The following BMPR1B variants were observed in gnomAD, a reference collection of about 807,000 sequenced individuals.
BMPR1B encodes bone morphogenetic protein receptor type 1B.
In BMPR1B, 12 loss-of-function variants were observed where a neutral mutation model predicts 59.1. The observed-to-expected ratio is 0.20, with a 90% CI of 0.13 to 0.33. BMPR1B has a LOEUF of 0.33. Ranked by LOEUF, BMPR1B falls within the 10% of genes least tolerant of loss-of-function variation. The pLI is 1.00. For missense variants in BMPR1B, 550 were observed against 610.9 expected (o/e 0.90, Z 1.05); for synonymous variants, 237 against 207.3 (o/e 1.14, Z -1.23).
intron 1 of BMPR1B, among the ~76,000 whole-genome samples, chr4:94,799,653 G>A (rs1451051490): frequency 1.3e-5 from 2 of 151,156 alleles, no homozygotes; most frequent in Non-Finnish European, 3.0e-5. Flanking sequence ...TTGAGTGCAT[G>A]TGATTCAATG....
chr4:95,101,674 A>G (rs192351459), intron 3 of BMPR1B, among the ~76,000 whole-genome samples: 2 of 152,106 alleles, frequency 1.3e-5, no homozygotes, highest in Non-Finnish European at 2.9e-5. Flanking sequence ...ATTAACTCTA[A>G]TATTTCATTA....
chr4:95,061,437 G>A (rs1022162003), intron 3 of BMPR1B, among the ~76,000 whole-genome samples: 3 of 152,042 alleles, frequency 2.0e-5, no homozygotes, highest in South Asian at 2.1e-4. Flanking sequence ...AAGTAAGAAC[G>A]GAAGTAGTTT....
intron 2 of BMPR1B, among the ~76,000 whole-genome samples, chr4:94,883,067 T>G (rs1200219967): frequency 2.0e-5 from 3 of 151,996 alleles, no homozygotes. Flanking sequence ...GCAGGGTTCT[T>G]TCTACTCATC....
At chr4:94,995,240 A>G (rs1441317146) in intron 2 of BMPR1B, among the ~76,000 whole-genome samples, 1 of 152,198 alleles carries the variant, frequency 6.6e-6, no homozygotes, top group Non-Finnish European at 1.5e-5. Context: ...TTATAAATAT[A>G]GAAGTTTATA....
intron 3 of BMPR1B, among the ~76,000 whole-genome samples, chr4:95,029,847 G>A (rs1213760889): frequency 6.6e-6 from 1 of 152,160 alleles, no homozygotes; most frequent in Non-Finnish European, 1.5e-5. Context: ...GTTTTGATTT[G>A]CATTTCTCTT....
At chr4:94,914,175 G>A (rs1226874621) in intron 2 of BMPR1B, among the ~76,000 whole-genome samples, 2 of 152,096 alleles carry the variant, frequency 1.3e-5, no homozygotes, top group African/African-American at 2.4e-5. Flanking sequence ...AAAATGGACA[G>A]GATCTGGCAA....
intron 2 of BMPR1B, among the ~76,000 whole-genome samples, chr4:94,899,444 T>TAC (rs61195093): frequency 6.7e-6 from 1 of 149,648 alleles, no homozygotes; most frequent in Admixed American, 6.7e-5. Flanking sequence ...CACACACACA[T>TAC]ACACACACAC....
intron 3 of BMPR1B, among the ~76,000 whole-genome samples, chr4:95,103,242 A>C (rs1730954585): frequency 2.6e-5 from 4 of 152,138 alleles, no homozygotes. Context: ...GATTAAAAAA[A>C]ATAGACTTCT....
At chr4:94,780,221 T>G (rs759213398) in intron 1 of BMPR1B, among the ~76,000 whole-genome samples, 3 of 152,226 alleles carry the variant, frequency 2.0e-5, no homozygotes, top group African/African-American at 7.2e-5. Context: ...ATCTAGTTTC[T>G]GTCTCTATAA....
intron 2 of BMPR1B, among the ~76,000 whole-genome samples, chr4:94,989,771 A>C (rs1721626690): frequency 6.6e-6 from 1 of 152,170 alleles, no homozygotes; most frequent in Non-Finnish European, 1.5e-5. Flanking sequence ...TTAACAAGTA[A>C]GTGGCTCTGT....
At position 94,758,074 on chromosome 4, in the gene BMPR1B, G is replaced by A. The variant is rs1721593597; in HGVS notation, c.-183+6G>A. The A allele has an allele frequency of 6.7e-6, 1 of 148,370 alleles. No homozygotes were observed. The highest frequency in any genetic ancestry group is 1.5e-5 in the Non-Finnish European group (1 of 66,278). 9.2% of individuals were successfully genotyped at this position (148,370 alleles called of 1,614,324 possible). A position where few individuals can be genotyped will look rare whatever the true frequency, so the allele number is the denominator to read the frequency against. The stretch of plus-strand genomic sequence containing the variant: ...AGCCGGGAGCGCAGCCGCGGGTAAG[G>A]CGCGCGCGGCGGGGCCCCGTCCCCT... On this transcript the variant is annotated splice_donor_region_variant and intron_variant, in intron 1 of 12. Coordinates refer to ENST00000515059, the MANE Select transcript of BMPR1B (RefSeq NM_001203.3).
At chr4:95,041,288 A>G (rs919466230) in intron 3 of BMPR1B, among the ~76,000 whole-genome samples, 1 of 151,946 alleles carries the variant, frequency 6.6e-6, no homozygotes, top group Non-Finnish European at 1.5e-5. Context: ...GGCTCAAGCG[A>G]TCCTCCTACT....
intron 1 of BMPR1B, among the ~76,000 whole-genome samples, chr4:94,809,134 A>G (rs1323671352): frequency 6.6e-6 from 1 of 152,182 alleles, no homozygotes; most frequent in African/African-American, 2.4e-5. Context: ...GGTCACTGAC[A>G]TGTTTGTGGT....
chr4:95,131,180 A>G, intron 9 of BMPR1B, 35 bp from the exon 10 acceptor site: 3 of 1,591,416 alleles, frequency 1.9e-6, no homozygotes, highest in Non-Finnish European at 2.6e-6. Context: ...TACTATTTGG[A>G]AAACACTAAA....
intron 3 of BMPR1B, among the ~76,000 whole-genome samples, chr4:95,026,106 C>CTTTCTTTCTTTCTTTCTTTT (rs1228733871): frequency 0.062 from 8,248 of 133,218 alleles, 437 homozygotes; most frequent in South Asian, 0.086. Flanking sequence ...TCATTTCTTT[C>CTTTCTTTCTTTCTTTCTTTT]TTTCTTTCTT....
intron 1 of BMPR1B, among the ~76,000 whole-genome samples, chr4:94,848,056 A>T (rs1052065276): frequency 1.3e-5 from 2 of 152,208 alleles, no homozygotes; most frequent in African/African-American, 4.8e-5. Context: ...TACACCTAAT[A>T]TGTGCCTACA....
chr4:94,905,378 A>G (rs1277035971), intron 2 of BMPR1B, among the ~76,000 whole-genome samples: 1 of 152,072 alleles, frequency 6.6e-6, no homozygotes, highest in South Asian at 2.1e-4. Context: ...ACTAATGCAA[A>G]CAGTAATGGC....
chr4:94,851,751 G>C (rs546445880), intron 1 of BMPR1B, among the ~76,000 whole-genome samples: 5 of 152,122 alleles, frequency 3.3e-5, no homozygotes, highest in Non-Finnish European at 7.4e-5. Context: ...AGTCAGTTGA[G>C]ATCATTATAA....
chr4:94,891,523 A>T (rs928269055), intron 2 of BMPR1B, among the ~76,000 whole-genome samples: 1 of 152,104 alleles, frequency 6.6e-6, no homozygotes, highest in African/African-American at 2.4e-5. Context: ...GTTAACAGTG[A>T]TCTTTTCGGT....
Sources: gnomAD v4.1 joint callset for allele counts (sites outside exome capture counted in the v4.1 genomes callset) on GRCh38, gnomAD v4.1.1 for gene constraint, MANE v1.5 for transcripts, NCBI Gene and HGNC (gene_info 2026-07-23, HGNC 2026-07-21) for gene names.